PBRM1: variants seen among roughly 807,000 people sequenced by gnomAD.
PBRM1 encodes the protein polybromo 1, also known as protein polybromo-1.
Under a neutral mutation model 194.5 loss-of-function variants are expected in PBRM1, and 27 were observed. The ratio of observed to expected loss-of-function variants is 0.14; its 90% CI spans 0.10 to 0.19. The LOEUF is 0.19. Ranked by LOEUF, PBRM1 falls within the 10% of genes least tolerant of loss-of-function variation. The pLI is 1.00. For missense variants in PBRM1, 1,466 were observed against 2,077.2 expected, an observed-to-expected ratio of 0.71 and a Z score of 5.72; for synonymous variants, 655 against 693.2, an observed-to-expected ratio of 0.94 and a Z score of 0.87.
chr3:52,644,367 A>T (rs2096224042), intron 8 of PBRM1, among the ~76,000 whole-genome samples: 1 of 151,976 alleles, frequency 6.6e-6, no homozygotes, highest in South Asian at 2.1e-4. Flanking sequence ...AGCAAATATA[A>T]AGGCATTAAG....
chr3:52,563,359 A>G (rs779348260), exon 24 of PBRM1: 1 of 1,614,040 alleles, frequency 6.2e-7, no homozygotes, highest in Non-Finnish European at 8.5e-7. Flanking sequence ...AGGAGGTTCA[A>G]TGACCTCACT....
In PBRM1 at chr3:52,552,747, G is replaced by A. The variant is rs533471829; in HGVS notation, c.4610-1930C>T. 2.4e-4 allele frequency among the ~76,000 whole-genome samples: 36 copies of A among 152,302 alleles called. 1 individual carries two copies. In the East Asian group the frequency reaches 5.4e-3, roughly 23 times the overall value. On this transcript the variant is annotated intron_variant, in intron 27 of 29. Coordinates refer to ENST00000296302, the Ensembl canonical transcript of PBRM1. ...ATCCCACTAAGTGCACCTAGAAGGT[G>A]TAAACTCCAGCCTGGTCTTATTGGC...
Position 52,673,288 on chromosome 3 carries a change from A to G in PBRM1, c.237-4643T>C, listed in dbSNP as rs551881515. Among the ~76,000 whole-genome samples the G allele has an allele frequency of 2.0e-5, 3 of 150,972 alleles. No homozygotes were observed. In the South Asian group the frequency reaches 6.4e-4, roughly 32 times the overall value. On this transcript the variant is annotated intron_variant, in intron 2 of 29. Coordinates refer to ENST00000296302, the Ensembl canonical transcript of PBRM1. ...CAGGCATGAGCCACCGCGCCCAGCC[A>G]TAAGAACTATTAATTTTTATACTGC... is the stretch of plus-strand genomic sequence containing the variant.
intron 21 of PBRM1, among the ~76,000 whole-genome samples, chr3:52,576,900 G>C (rs528333885): frequency 6.6e-6 from 1 of 152,210 alleles, no homozygotes; most frequent in South Asian, 2.1e-4. Context: ...AGGAACATTT[G>C]ACTATTTTTC....
At chr3:52,603,486 T>C in intron 17 of PBRM1, 35 bp downstream of exon 19, 9 of 1,569,556 alleles carry the variant, frequency 5.7e-6, no homozygotes, top group Non-Finnish European at 7.8e-6. Context: ...AGACAGTGCA[T>C]TTTTTCATAT....
chr3:52,589,167 G>A (rs2092761516), exon 18 of PBRM1: 1 of 1,611,768 alleles, frequency 6.2e-7, no homozygotes, highest in Non-Finnish European at 8.5e-7. Flanking sequence ...CATGGTACAT[G>A]CTGTTTTTAA....
At chr3:52,667,615 T>TGGTGGTG (rs2096865790) in intron 3 of PBRM1, among the ~76,000 whole-genome samples, 1 of 151,782 alleles carries the variant, frequency 6.6e-6, no homozygotes, top group Non-Finnish European at 1.5e-5. Flanking sequence ...TAGCCAGGCA[T>TGGTGGTG]GGTGGTGGGC....
intron 21 of PBRM1, among the ~76,000 whole-genome samples, chr3:52,577,912 A>C (rs1209055098): frequency 1.3e-5 from 2 of 152,152 alleles, no homozygotes; most frequent in Non-Finnish European, 2.9e-5. Flanking sequence ...CCATTAACTC[A>C]GTAAAAACCC....
chr3:52,611,465 C>T (rs567599804), intron 15 of PBRM1, among the ~76,000 whole-genome samples: 19 of 152,122 alleles, frequency 1.2e-4, no homozygotes, highest in Non-Finnish European at 2.4e-4. Flanking sequence ...CTGGCTCCAA[C>T]TACCAATTTA....
At chr3:52,602,011 A>G (rs970042698) in intron 17 of PBRM1, among the ~76,000 whole-genome samples, 2 of 152,206 alleles carry the variant, frequency 1.3e-5, no homozygotes, top group African/African-American at 4.8e-5. Flanking sequence ...GTGCTCAGGT[A>G]TCACTAATTG....
In PBRM1 at chr3:52,576,156, CA is replaced by C. The variant is rs1444785571; in HGVS notation, c.3691+384del. ...TTCCTGAAGGAAGCAGAGAAAGGAG[CA>C]GAAAGAATATTTGAAGAAATGGCCA... On this transcript the variant is annotated intron_variant, in intron 22 of 29. Transcript: ENST00000296302. Among the ~76,000 whole-genome samples, 5 of 151,976 alleles carry C rather than the reference CA, an allele frequency of 3.3e-5. No individual in the cohort carries two copies. In the East Asian group the frequency reaches 7.7e-4, roughly 24 times the overall value.
intron 22 of PBRM1, among the ~76,000 whole-genome samples, chr3:52,570,870 T>C (rs917157177): frequency 6.6e-6 from 1 of 151,706 alleles, no homozygotes; most frequent in African/African-American, 2.4e-5. Flanking sequence ...CGTGTGCAGG[T>C]GCCCTACACA....
intron 26 of PBRM1, among the ~76,000 whole-genome samples, chr3:52,557,578 G>A (rs1315713742): frequency 2.0e-5 from 3 of 151,924 alleles, no homozygotes; most frequent in Non-Finnish European, 4.4e-5. Flanking sequence ...ACCAGAACCA[G>A]AGACAACACA....
chr3:52,578,909 G>A (rs1252979059), intron 21 of PBRM1, 145 bp downstream of exon 23: 4 of 765,084 alleles, frequency 5.2e-6, no homozygotes, highest in East Asian at 2.5e-5. Flanking sequence ...GGAAGAAAGT[G>A]TGGTTGGAGG....
chr3:52,588,434 G>A (rs1422760881), intron 18 of PBRM1, among the ~76,000 whole-genome samples: 2 of 152,012 alleles, frequency 1.3e-5, no homozygotes, highest in South Asian at 2.1e-4. Flanking sequence ...GAAAATATGA[G>A]CTTTTTGTTC....
chr3:52,587,275 A>G, intron 19 of PBRM1, 78 bp downstream of exon 21: 1 of 1,063,794 alleles, frequency 9.4e-7, no homozygotes, highest in Non-Finnish European at 1.4e-6. Flanking sequence ...TAATTTTGTA[A>G]ACATCGATTA....
chr3:52,681,255 G>T (rs1250263492), upstream of PBRM1: 1 of 151,882 alleles, frequency 6.6e-6, no homozygotes, highest in Non-Finnish European at 1.5e-5. Flanking sequence ...AGGAGCAAAA[G>T]AATCACATTT....
intron 20 of PBRM1, among the ~76,000 whole-genome samples, chr3:52,583,284 C>T (rs961528354): frequency 1.2e-4 from 18 of 151,566 alleles, no homozygotes; most frequent in African/African-American, 4.4e-4. Flanking sequence ...GTGGTGCACA[C>T]CTGCAATCCC....
intron 5 of PBRM1, among the ~76,000 whole-genome samples, chr3:52,653,601 AAAGAAAG>A (rs1249644696): frequency 6.6e-6 from 1 of 150,948 alleles, no homozygotes; most frequent in Admixed American, 6.6e-5. Context: ...AAAAAAAAAA[AAAGAAAG>A]AAAGAAATGA....
Sources: gnomAD v4.1 joint callset for allele counts (sites outside exome capture counted in the v4.1 genomes callset) on GRCh38, gnomAD v4.1.1 for gene constraint, MANE v1.5 for transcripts, NCBI Gene and HGNC (gene_info 2026-07-23, HGNC 2026-07-21) for gene names.